Variants in HTR1F observed in about 807,000 individuals in gnomAD.
The protein encoded by HTR1F is 5-hydroxytryptamine receptor 1F.
Under a neutral mutation model 24.0 loss-of-function variants are expected in HTR1F, and 17 were observed. The ratio of observed to expected loss-of-function variants is 0.71; its 90% CI spans 0.48 to 1.06. The LOEUF is 1.06. Ranked by LOEUF, HTR1F falls within the 50% of genes least tolerant of loss-of-function variation. HTR1F has a pLI of 0.00. For missense variants in HTR1F, 391 were observed against 427.8 expected (o/e 0.91, Z 0.76); for synonymous variants, 186 against 156.8 (o/e 1.19, Z -1.39).
chr3:87,805,621 T>G (rs1704061388), intron 1 of HTR1F, among the ~76,000 whole-genome samples: 2 of 152,082 alleles, frequency 1.3e-5, no homozygotes, highest in Non-Finnish European at 2.9e-5. Flanking sequence ...TATTTATCAT[T>G]TCCATGTGTT....
At chr3:87,795,032 C>A in intron 1 of HTR1F, among the ~76,000 whole-genome samples, 1 of 134,818 alleles carries the variant, frequency 7.4e-6, no homozygotes, top group African/African-American at 2.8e-5. Context: ...TCTGTCTCCA[C>A]GCTGGAGTGC....
At chr3:87,860,749 A>G (rs576234771) in intron 2 of HTR1F, among the ~76,000 whole-genome samples, 1 of 152,314 alleles carries the variant, frequency 6.6e-6, no homozygotes, top group African/African-American at 2.4e-5. Flanking sequence ...CATAATGACT[A>G]GAATATTTAA....
chr3:87,928,510 G>T (rs1704183024), intron 2 of HTR1F, among the ~76,000 whole-genome samples: 1 of 151,840 alleles, frequency 6.6e-6, no homozygotes, highest in South Asian at 2.1e-4. Flanking sequence ...TATTTTCTGT[G>T]TCCCTAAAAA....
chr3:87,871,265 A>G (rs1559613059), intron 2 of HTR1F, among the ~76,000 whole-genome samples: 1 of 152,008 alleles, frequency 6.6e-6, no homozygotes, highest in South Asian at 2.1e-4. Flanking sequence ...CAACAAATAA[A>G]TGAAAAAATT....
intron 2 of HTR1F, among the ~76,000 whole-genome samples, chr3:87,943,541 C>G (rs1319109234): frequency 6.7e-6 from 1 of 149,570 alleles, no homozygotes; most frequent in East Asian, 2.0e-4. Flanking sequence ...TCTTTTTGGA[C>G]CATTTGGGTT....
intron 2 of HTR1F, among the ~76,000 whole-genome samples, chr3:87,960,811 A>G (rs1014031984): frequency 2.0e-5 from 3 of 151,974 alleles, no homozygotes; most frequent in Non-Finnish European, 4.4e-5. Flanking sequence ...AGTCGTTTGA[A>G]ATCTGTCATG....
At chr3:87,890,338 G>T (rs1706048916) in intron 2 of HTR1F, among the ~76,000 whole-genome samples, 1 of 152,172 alleles carries the variant, frequency 6.6e-6, no homozygotes, top group African/African-American at 2.4e-5. Flanking sequence ...AACTTTTGCA[G>T]CTTTTATAAA....
intron 2 of HTR1F, among the ~76,000 whole-genome samples, chr3:87,916,461 C>A (rs1703897491): frequency 1.3e-5 from 2 of 151,970 alleles, no homozygotes; most frequent in Non-Finnish European, 2.9e-5. Flanking sequence ...ACTCATCAAC[C>A]AACTGTCTGC....
chr3:87,846,997 T>C (rs1280852158), intron 2 of HTR1F, among the ~76,000 whole-genome samples: 1 of 151,768 alleles, frequency 6.6e-6, no homozygotes, highest in East Asian at 1.9e-4. Flanking sequence ...ATATTATTGC[T>C]ATTTTTAAGA....
Position 87,990,973 on chromosome 3 carries a change from T to C in HTR1F, c.224T>C (p.Leu75Pro). Residue 75 changes from leucine (L) to proline (P), a missense_variant, in exon 3 of 3, where the codon CTG becomes CCG. Physicochemically the swap from Leu to Pro is moderately conservative, Grantham distance 98. Transcript: ENST00000319595. Reference sequence around the variant, plus strand: ...GTCACAGATTTTCTTGTGGCTGTCCTGGTGATGCCCTTCAGCATTGTGTAT... The same window carrying C: ...GTCACAGATTTTCTTGTGGCTGTCCCGGTGATGCCCTTCAGCATTGTGTAT... ...LAVTDFLVAV[L>P]VMPFSIVYIV... The C allele has an allele frequency of 1.2e-6, 2 of 1,614,182 alleles. No homozygotes were observed. Among genetic ancestry groups the C allele is most frequent in the South Asian group, 2.2e-5 (2 of 91,086 alleles).
At chr3:87,874,251 CA>C (rs753741142) in intron 2 of HTR1F, among the ~76,000 whole-genome samples, 13 of 150,890 alleles carry the variant, frequency 8.6e-5, no homozygotes, top group South Asian at 2.1e-4. Flanking sequence ...CACACACATA[CA>C]AAAAAAAATC....
chr3:87,852,215 A>G (rs750111401), intron 2 of HTR1F, among the ~76,000 whole-genome samples: 1 of 151,616 alleles, frequency 6.6e-6, no homozygotes, highest in South Asian at 2.1e-4. Context: ...ATTGCATTTT[A>G]TCTTCTTCTT....
At chr3:87,925,977 A>C (rs190284514) in intron 2 of HTR1F, among the ~76,000 whole-genome samples, 10 of 152,330 alleles carry the variant, frequency 6.6e-5, no homozygotes, top group Admixed American at 6.5e-4. Flanking sequence ...TTTCTTAGTG[A>C]AGAAAGATGA....
At chr3:87,962,149 C>T (rs1277314322) in intron 2 of HTR1F, among the ~76,000 whole-genome samples, 1 of 151,920 alleles carries the variant, frequency 6.6e-6, no homozygotes, top group Non-Finnish European at 1.5e-5. Flanking sequence ...TAAAGAAAGA[C>T]AGACAACTTG....
chr3:87,890,500 G>A (rs1503428), intron 2 of HTR1F, among the ~76,000 whole-genome samples: 56,169 of 149,636 alleles, frequency 0.38, 15,251 homozygotes, highest in African/African-American at 0.77. Context: ...ATGTATGTAA[G>A]TAACTATCCT....
chr3:87,825,130 C>T (rs1704437123), intron 2 of HTR1F, among the ~76,000 whole-genome samples: 1 of 152,138 alleles, frequency 6.6e-6, no homozygotes, highest in African/African-American at 2.4e-5. Context: ...TCTTATTTGC[C>T]TTAACAACTT....
At chr3:87,886,074 C>T (rs1262866700) in intron 2 of HTR1F, among the ~76,000 whole-genome samples, 7 of 152,086 alleles carry the variant, frequency 4.6e-5, no homozygotes, top group African/African-American at 9.7e-5. Context: ...TGATGCACAT[C>T]GATGCTAAAA....
chr3:87,843,642 T>G (rs1704861201), intron 2 of HTR1F, among the ~76,000 whole-genome samples: 1 of 150,546 alleles, frequency 6.6e-6, no homozygotes, highest in South Asian at 2.1e-4. Context: ...ACTCATCATC[T>G]AGCATTAGGT....
chr3:87,911,661 T>C (rs1426932949), intron 2 of HTR1F, among the ~76,000 whole-genome samples: 2 of 152,028 alleles, frequency 1.3e-5, no homozygotes, highest in African/African-American at 4.8e-5. Context: ...GATGCAAAAA[T>C]CCTCAATAAA....
Sources: gnomAD v4.1 joint callset for allele counts (sites outside exome capture counted in the v4.1 genomes callset) on GRCh38, gnomAD v4.1.1 for gene constraint, MANE v1.5 for transcripts, NCBI Gene and HGNC (gene_info 2026-07-23, HGNC 2026-07-21) for gene names.